Variants in TENM4 observed in about 807,000 individuals in gnomAD.
The protein encoded by TENM4 is teneurin transmembrane protein 4.
A neutral mutation model predicts 243.3 loss-of-function variants in TENM4; 82 were observed. The ratio of observed to expected loss-of-function variants is 0.34; its 90% CI spans 0.28 to 0.40. The LOEUF (loss-of-function observed/expected upper bound fraction) is 0.40, where lower values mean the gene tolerates loss of function less well. TENM4 is among the 10% of genes least tolerant of loss of function. The pLI is 1.00. For synonymous variants in TENM4, 1,412 were observed against 1,456.3 expected, an observed-to-expected ratio of 0.97 and a Z score of 0.69; for missense variants, 3,138 against 3,673.3, an observed-to-expected ratio of 0.85 and a Z score of 3.77.
intron 6 of TENM4, among the ~76,000 whole-genome samples, chr11:78,917,498 A>AT (rs1171774607): frequency 2.0e-5 from 3 of 151,842 alleles, no homozygotes; most frequent in Admixed American, 6.6e-5. Context: ...TTTTATTTTT[A>AT]TTTTTTTTAT....
intron 6 of TENM4, among the ~76,000 whole-genome samples, chr11:78,915,568 A>G (rs868087844): frequency 2.6e-5 from 4 of 152,064 alleles, no homozygotes; most frequent in African/African-American, 7.2e-5. Context: ...ATTTCTCCAA[A>G]CTGCACATTT....
chr11:79,430,370 C>G (rs973535601), intron 1 of TENM4, among the ~76,000 whole-genome samples: 1 of 152,080 alleles, frequency 6.6e-6, no homozygotes, highest in African/African-American at 2.4e-5. Flanking sequence ...CAAACCTGTA[C>G]CAGAGAGAGC....
chr11:78,708,361 C>G lies in TENM4; in HGVS notation c.4209G>C (p.Gln1403His). ...GCTTTGGTAGATGAAGCCATCTTACCTGGGAAATATCCATGACAGAATCAC... is the reference window on the plus strand; with the variant it reads ...GCTTTGGTAGATGAAGCCATCTTACGTGGGAAATATCCATGACAGAATCAC... ...LSCDSVMDISQVHLEWPTDLA... is the reference protein window; with the variant it reads ...LSCDSVMDISHVHLEWPTDLA... The change falls in exon 27 of 34, where the codon CAG becomes CAC. Residue 1403 changes from glutamine (Q) to histidine (H), a missense_variant and splice_region_variant. Around this residue, in one of 2 missense-constraint regions of TENM4, gnomAD observed 2,467 missense variants for 3,059.1 expected, o/e 0.81. Transcript: ENST00000278550. 3.1e-6 allele frequency: 5 copies of G among 1,613,960 alleles called. No individual in the cohort carries two copies. Among genetic ancestry groups the G allele is most frequent in the Non-Finnish European group, 4.2e-6 (5 of 1,179,838 alleles).
chr11:78,996,620 C>T lies in TENM4; in HGVS notation c.493+68118G>A, dbSNP rs1858178580. ...AGGAAGGTTTGCTCTCCTGCCTGGGCCCAGGGTCAGCTCTGAGCCTTATTG... is the reference window on the plus strand; with the variant it reads ...AGGAAGGTTTGCTCTCCTGCCTGGGTCCAGGGTCAGCTCTGAGCCTTATTG... On this transcript the variant is annotated intron_variant, in intron 6 of 33. Coordinates refer to ENST00000278550, the MANE Select transcript of TENM4 (RefSeq NM_001098816.3). Among the ~76,000 whole-genome samples, 4 of 152,264 alleles carry T rather than the reference C, an allele frequency of 2.6e-5. No individual in the cohort carries two copies. In the South Asian group the frequency reaches 8.3e-4, roughly 32 times the overall value.
At chr11:79,179,295 G>A (rs147428602) in intron 3 of TENM4, among the ~76,000 whole-genome samples, 103 of 152,286 alleles carry the variant, frequency 6.8e-4, no homozygotes, top group Middle Eastern at 6.8e-3. Flanking sequence ...AACTGCAAAC[G>A]ATGGCCCAGC....
chr11:79,114,347 G>A (rs1861573435), intron 4 of TENM4, among the ~76,000 whole-genome samples: 1 of 152,190 alleles, frequency 6.6e-6, no homozygotes, highest in South Asian at 2.1e-4. Context: ...AAGGCAAGAG[G>A]TAGGAAAGGG....
chr11:78,845,582 C>T (rs1858371930), intron 12 of TENM4, among the ~76,000 whole-genome samples: 1 of 152,182 alleles, frequency 6.6e-6, no homozygotes, highest in Admixed American at 6.5e-5. Context: ...ATGTTACTTG[C>T]AGCTAGGTTA....
rs138047899 is a variant in TENM4, at chr11:78,996,027, C to T, written c.493+68711G>A. Among the ~76,000 whole-genome samples the T allele has an allele frequency of 6.7e-3, 1,017 of 152,194 alleles. 13 individuals are homozygous for T. The highest frequency in any genetic ancestry group is 0.024 in the African/African-American group (980 of 41,500). On this transcript the variant is annotated intron_variant, in intron 6 of 33. Transcript: ENST00000278550. ...GCTGCTCCTTTGCTCAGCTGATTTA[C>T]GTGGAGAGAAGAAAGCCGCAAGGAG... is the stretch of plus-strand genomic sequence containing the variant.
chr11:79,022,796 G>T (rs1248851140), intron 6 of TENM4, among the ~76,000 whole-genome samples: 1 of 152,128 alleles, frequency 6.6e-6, no homozygotes, highest in Non-Finnish European at 1.5e-5. Flanking sequence ...TATTGAGAAG[G>T]TGAAGATGAT....
At chr11:79,389,719 G>A (rs2135538630) in intron 1 of TENM4, among the ~76,000 whole-genome samples, 1 of 152,286 alleles carries the variant, frequency 6.6e-6, no homozygotes, top group East Asian at 1.9e-4. Flanking sequence ...CTCCAATTAG[G>A]CAAAATGTTA....
chr11:78,892,745 T>C (rs1855698236), intron 7 of TENM4, among the ~76,000 whole-genome samples: 1 of 152,244 alleles, frequency 6.6e-6, no homozygotes, highest in Non-Finnish European at 1.5e-5. Flanking sequence ...ACAATAACCC[T>C]ACAAAGTCAG....
chr11:79,201,363 G>C (rs1227121246), intron 3 of TENM4, among the ~76,000 whole-genome samples: 12 of 152,150 alleles, frequency 7.9e-5, no homozygotes, highest in Admixed American at 7.9e-4. Context: ...GGCTAGTCCA[G>C]CTCTGCCATA....
In TENM4 at chr11:79,007,947, C is replaced by A. The variant is rs1022572771; in HGVS notation, c.493+56791G>T. ...TTCTACCAGGCATCACTTAGCAATG[C>A]GCCAAGCCACTGGGTTTAAAACAGC... On this transcript the variant is annotated intron_variant, in intron 6 of 33. Transcript: ENST00000278550. 8.5e-5 allele frequency among the ~76,000 whole-genome samples: 13 copies of A among 152,120 alleles called. No homozygotes were observed. The East Asian group carries it at 1.5e-3, about 18-fold the overall frequency.
chr11:79,061,456 C>G (rs75082766), intron 6 of TENM4, among the ~76,000 whole-genome samples: 2 of 152,116 alleles, frequency 1.3e-5, no homozygotes, highest in African/African-American at 4.8e-5. Context: ...GGGAAATGGA[C>G]GATCACAAAG....
At chr11:78,803,701 T>C (rs1857330133) in intron 15 of TENM4, among the ~76,000 whole-genome samples, 1 of 152,220 alleles carries the variant, frequency 6.6e-6, no homozygotes, top group South Asian at 2.1e-4. Flanking sequence ...TCCAAAGTTA[T>C]ACGTACCTCC....
intron 4 of TENM4, among the ~76,000 whole-genome samples, chr11:79,111,137 A>G (rs1337346112): frequency 6.6e-6 from 1 of 152,106 alleles, no homozygotes; most frequent in East Asian, 1.9e-4. Context: ...TTATAAGGGG[A>G]AACCCCTTTC....
At chr11:79,384,300 C>T (rs1858064298) in intron 1 of TENM4, among the ~76,000 whole-genome samples, 1 of 152,216 alleles carries the variant, frequency 6.6e-6, no homozygotes, top group Non-Finnish European at 1.5e-5. Flanking sequence ...GCTGTGCAGG[C>T]ATGCTTCTTG....
At position 79,064,975 on chromosome 11, in the gene TENM4, C is replaced by T. The variant is rs1029358066; in HGVS notation, c.256G>A (p.Glu86Lys). The T allele has an allele frequency of 1.4e-5, 20 of 1,466,618 alleles. No individual in the cohort carries two copies. The Middle Eastern group carries it at 5.4e-4, about 39-fold the overall frequency. The allele number at this position is 1,466,618 out of a possible 1,614,324, so 90.9% of individuals were successfully genotyped here. The change falls in exon 6 of 34, where the codon GAA becomes AAA. Residue 86 changes from glutamate (E) to lysine (K), a missense_variant. This residue lies in a region of TENM4 where 671 missense variants were observed against 614.1 expected (regional missense o/e 1.09). Transcript: ENST00000278550. ...GTCCCGTGAGGGGGCGTTACTTCTTCCAGCCCCAGCTCCCGCAGGGTGAAG... is the reference window on the plus strand; with the variant it reads ...GTCCCGTGAGGGGGCGTTACTTCTTTCAGCCCCAGCTCCCGCAGGGTGAAG... ...ANFTLRELGLEEVTPPHGTLY... is the reference protein window; with the variant it reads ...ANFTLRELGLKEVTPPHGTLY...
At chr11:79,305,942 C>T (rs1856619011) in intron 1 of TENM4, among the ~76,000 whole-genome samples, 1 of 152,176 alleles carries the variant, frequency 6.6e-6, no homozygotes. Flanking sequence ...TGCCTCAGAG[C>T]CGACCTGTGG....
Sources: allele counts gnomAD v4.1 joint callset (sites outside exome capture counted in the v4.1 genomes callset), GRCh38; gene constraint gnomAD v4.1.1; regional missense constraint gnomAD v4.1.1; transcripts MANE v1.5; gene names NCBI Gene and HGNC (gene_info 2026-07-23, HGNC 2026-07-21).